Variants in MECOM observed in about 807,000 individuals in gnomAD.
MECOM encodes the protein histone-lysine N-methyltransferase MECOM.
MECOM carries 13 observed loss-of-function variants against 116.3 expected under a neutral mutation model. That is an observed-to-expected ratio of 0.11 (90% confidence interval 0.07 to 0.18). The LOEUF (loss-of-function observed/expected upper bound fraction) is 0.18. MECOM is among the 10% of genes least tolerant of loss of function. The probability of loss-of-function intolerance (pLI) is 1.00; values close to 1 mark genes in which losing one functional copy is unlikely to be tolerated. For missense variants in MECOM, 1,299 were observed against 1,509.0 expected, an observed-to-expected ratio of 0.86 and a Z score of 2.31; for synonymous variants, 528 against 535.2, an observed-to-expected ratio of 0.99 and a Z score of 0.19.
chr3:169,147,745 T>A (rs1432326848), intron 2 of MECOM: 6 of 980,878 alleles, frequency 6.1e-6, no homozygotes, highest in Non-Finnish European at 6.0e-6. Context: ...CGCGCGAGTG[T>A]GTGTGTGCAT....
chr3:169,523,910 C>CAT (rs943245465), intron 1 of MECOM, among the ~76,000 whole-genome samples: 3 of 147,236 alleles, frequency 2.0e-5, no homozygotes, highest in Admixed American at 6.8e-5. Context: ...CCTGTATATG[C>CAT]ATATATATGT....
intron 2 of MECOM, among the ~76,000 whole-genome samples, chr3:169,283,036 A>T (rs1173050509): frequency 6.6e-6 from 1 of 152,086 alleles, no homozygotes; most frequent in Non-Finnish European, 1.5e-5. Flanking sequence ...TCACATCTAG[A>T]ATTCGAACAA....
chr3:169,247,670 C>T (rs979122280), intron 2 of MECOM, among the ~76,000 whole-genome samples: 4 of 152,200 alleles, frequency 2.6e-5, no homozygotes, highest in African/African-American at 9.7e-5. Context: ...TTTCAAGTTT[C>T]TTGAAACAAT....
chr3:169,476,929 G>A (rs761299736), intron 1 of MECOM: 5 of 150,450 alleles, frequency 3.3e-5, no homozygotes, highest in Non-Finnish European at 7.4e-5. Flanking sequence ...GACAGGTTAG[G>A]CAGAAGAAAA....
At chr3:169,258,239 A>C (rs932691604) in intron 2 of MECOM, among the ~76,000 whole-genome samples, 3 of 152,128 alleles carry the variant, frequency 2.0e-5, no homozygotes, top group Non-Finnish European at 2.9e-5. Flanking sequence ...AAAAGAAAGA[A>C]AAAGAAAAAG....
chr3:169,639,760 G>A (rs1773233980), intron 1 of MECOM, among the ~76,000 whole-genome samples: 1 of 152,110 alleles, frequency 6.6e-6, no homozygotes, highest in African/African-American at 2.4e-5. Flanking sequence ...ATTAAGATAG[G>A]ATATATAATT....
At chr3:169,423,544 G>A (rs1422356546) in intron 1 of MECOM, among the ~76,000 whole-genome samples, 1 of 152,086 alleles carries the variant, frequency 6.6e-6, no homozygotes, top group Non-Finnish European at 1.5e-5. Flanking sequence ...TTTGGAAGAA[G>A]ATAAAGAAAC....
intron 2 of MECOM, among the ~76,000 whole-genome samples, chr3:169,255,764 T>G (rs780451640): frequency 2.0e-5 from 3 of 152,132 alleles, no homozygotes; most frequent in Non-Finnish European, 4.4e-5. Flanking sequence ...TCTGAAGACA[T>G]CCAGCTGGAA....
At chr3:169,463,351 G>A (rs183706353) in intron 1 of MECOM, among the ~76,000 whole-genome samples, 12 of 152,162 alleles carry the variant, frequency 7.9e-5, no homozygotes, top group Middle Eastern at 3.4e-3. Context: ...TTGTTCAGAT[G>A]GTTTGTTTTA....
intron 2 of MECOM, among the ~76,000 whole-genome samples, chr3:169,347,984 T>A (rs1039766572): frequency 3.3e-5 from 5 of 151,994 alleles, no homozygotes; most frequent in African/African-American, 1.2e-4. Context: ...CAGAACAGGA[T>A]GACAAGACCA....
chr3:169,123,678 T>C (rs3851382), intron 5 of MECOM, among the ~76,000 whole-genome samples: 145,449 of 152,126 alleles, frequency 0.96, 69,579 homozygotes, highest in East Asian at 0.99. Context: ...GTAAAATAGC[T>C]TATTTCAAAT....
At chr3:169,263,621 CAATT>C (rs1757907280) in intron 2 of MECOM, among the ~76,000 whole-genome samples, 1 of 151,826 alleles carries the variant, frequency 6.6e-6, no homozygotes, top group Non-Finnish European at 1.5e-5. Context: ...TTCTAGGCCT[CAATT>C]AATTTCATTA....
chr3:169,497,598 T>C (rs1419154795), intron 1 of MECOM, among the ~76,000 whole-genome samples: 1 of 152,128 alleles, frequency 6.6e-6, no homozygotes, highest in Non-Finnish European at 1.5e-5. Context: ...CCTCAGGTGA[T>C]CCACCCGCCT....
At chr3:169,117,348 C>CT (rs1248835997) in intron 7 of MECOM, among the ~76,000 whole-genome samples, 13 of 152,280 alleles carry the variant, frequency 8.5e-5, no homozygotes, top group Non-Finnish European at 1.6e-4. Context: ...TATTCTGAGA[C>CT]TTTTTTTAAC....
chr3:169,227,358 C>T (rs1752859844), intron 2 of MECOM, among the ~76,000 whole-genome samples: 1 of 152,008 alleles, frequency 6.6e-6, no homozygotes, highest in African/African-American at 2.4e-5. Flanking sequence ...ATATCATAAT[C>T]CTTACTTTTA....
At chr3:169,337,616 T>C (rs781434891) in intron 2 of MECOM, among the ~76,000 whole-genome samples, 1 of 152,184 alleles carries the variant, frequency 6.6e-6, no homozygotes, top group Non-Finnish European at 1.5e-5. Flanking sequence ...ACCAGGAATG[T>C]ACACATGCTT....
At chr3:169,263,164 T>C (rs1757818528) in intron 2 of MECOM, among the ~76,000 whole-genome samples, 1 of 132,994 alleles carries the variant, frequency 7.5e-6, no homozygotes, top group Non-Finnish European at 1.6e-5. Context: ...AGTCTCGCTC[T>C]GTCACCCAGT....
At chr3:169,419,376 C>A (rs915081031) in intron 1 of MECOM, among the ~76,000 whole-genome samples, 2 of 152,140 alleles carry the variant, frequency 1.3e-5, no homozygotes, top group Non-Finnish European at 2.9e-5. Flanking sequence ...ACTTTCTTCA[C>A]AGAATTATAA....
At chr3:169,413,388 C>A (rs771071752) in intron 1 of MECOM, among the ~76,000 whole-genome samples, 7 of 152,148 alleles carry the variant, frequency 4.6e-5, no homozygotes, top group Non-Finnish European at 1.0e-4. Flanking sequence ...CAGGTACCTA[C>A]ACCACAAGTG....
Sources: gnomAD v4.1 joint callset for allele counts (sites outside exome capture counted in the v4.1 genomes callset) on GRCh38, gnomAD v4.1.1 for gene constraint, MANE v1.5 for transcripts, NCBI Gene and HGNC (gene_info 2026-07-23, HGNC 2026-07-21) for gene names.